The following KCNIP1 variants were observed in gnomAD, a reference collection of about 807,000 sequenced individuals.
KCNIP1 encodes the protein A-type potassium channel modulatory protein KCNIP1.
In KCNIP1, 18 loss-of-function variants were observed where a neutral mutation model predicts 33.0. The observed-to-expected ratio is 0.55, with a 90% CI of 0.38 to 0.81. KCNIP1 has a LOEUF of 0.81. Among genes scored for constraint, KCNIP1 ranks in the 30% least tolerant of loss-of-function variants. The pLI is 0.00. For missense variants in KCNIP1, 238 were observed against 271.6 expected (o/e 0.88, Z 0.87); for synonymous variants, 93 against 98.3 (o/e 0.95, Z 0.32).
upstream of KCNIP1, among the ~76,000 whole-genome samples, chr5:170,500,055 A>G (rs1339717802): frequency 6.6e-6 from 1 of 152,108 alleles, no homozygotes. Context: ...TGAAAACTGG[A>G]AGTCCAAGAT....
At chr5:170,479,714 A>G (rs1756935754) in intron 1 of KCNIP1, among the ~76,000 whole-genome samples, 1 of 152,222 alleles carries the variant, frequency 6.6e-6, no homozygotes, top group South Asian at 2.1e-4. Flanking sequence ...CTTGGCTGTG[A>G]TGCATTGGTA....
intron 3 of KCNIP1, 104 bp from the exon 4 acceptor site, chr5:170,721,729 G>A: frequency 1.2e-6 from 2 of 1,613,398 alleles, no homozygotes; most frequent in Non-Finnish European, 1.7e-6. Flanking sequence ...CATCACCCTA[G>A]CATCACTCTC....
At chr5:170,483,274 A>T in intron 1 of KCNIP1, 1 of 274,660 alleles carries the variant, frequency 3.6e-6, no homozygotes, top group Non-Finnish European at 7.1e-6. Context: ...TGGACTAAAA[A>T]GATGAAAGCC....
At chr5:170,581,811 G>A (rs1055663862) in intron 1 of KCNIP1, among the ~76,000 whole-genome samples, 11 of 152,294 alleles carry the variant, frequency 7.2e-5, no homozygotes, top group Middle Eastern at 3.4e-3. Flanking sequence ...GGTTTATTTG[G>A]CTCACAGTTC....
upstream of KCNIP1, among the ~76,000 whole-genome samples, chr5:170,503,194 A>G (rs1236816589): frequency 5.9e-5 from 9 of 152,092 alleles, no homozygotes; most frequent in Admixed American, 5.2e-4. Flanking sequence ...GTTCAAGCCC[A>G]GCCAGCCCAA....
chr5:170,586,730 T>A (rs79432046), intron 1 of KCNIP1, among the ~76,000 whole-genome samples: 13,166 of 152,298 alleles, frequency 0.086, 640 homozygotes, highest in South Asian at 0.12. Context: ...GTTGCTACTC[T>A]TGTCAGTATA....
rs1554093020 is a variant in KCNIP1 at position 170,444,699 on chromosome 5, T to TTA, written c.88+90735_88+90736insTA. ...CTACAAATTATATTTTTTCTTTTTT[T>TTA]AAAAAAAAAAAAAAACCTTCTTCCC... On this transcript the variant is annotated intron_variant, in intron 1 of 7. Coordinates refer to the KCNIP1 transcript ENST00000377360. Among the ~76,000 whole-genome samples, 739 of 146,316 alleles carry TTA rather than the reference T, an allele frequency of 5.1e-3. 8 individuals carry two copies. The highest frequency in any genetic ancestry group is 0.017 in the African/African-American group (663 of 39,946).
intron 1 of KCNIP1, among the ~76,000 whole-genome samples, chr5:170,624,712 AG>A (rs1472450824): frequency 1.4e-5 from 1 of 72,068 alleles, no homozygotes; most frequent in Non-Finnish European, 2.6e-5. Flanking sequence ...AGGGGAGGAG[AG>A]GAAAGGAGAC....
chr5:170,558,890 C>A (rs1756934055), intron 1 of KCNIP1, among the ~76,000 whole-genome samples: 1 of 152,190 alleles, frequency 6.6e-6, no homozygotes, highest in Admixed American at 6.5e-5. Context: ...TCTTCTTAGC[C>A]CCTAGTAAAC....
At chr5:170,636,633 CT>C (rs1342775709) in intron 1 of KCNIP1, among the ~76,000 whole-genome samples, 2 of 152,148 alleles carry the variant, frequency 1.3e-5, no homozygotes, top group African/African-American at 4.8e-5. Flanking sequence ...ATCCCTGTTT[CT>C]CAGGAGAGGG....
chr5:170,377,867 C>G (rs966240429), intron 1 of KCNIP1: 1 of 152,168 alleles, frequency 6.6e-6, no homozygotes, highest in African/African-American at 2.4e-5. Flanking sequence ...CCACCGCGCC[C>G]GGCCCAGAGG....
Position 170,504,353 on chromosome 5 carries a change from G to A in KCNIP1, c.-220G>A. 7.2e-7 allele frequency: 1 copy of A among 1,394,488 alleles called. No homozygotes were observed. Among genetic ancestry groups the A allele is most frequent in the South Asian group, 1.6e-5 (1 of 61,210 alleles). The allele number at this position is 1,394,488 out of a possible 1,614,324, so 86.4% of individuals were successfully genotyped here. A position where few individuals can be genotyped will look rare whatever the true frequency, so the allele number is the denominator to read the frequency against. On this transcript the variant is annotated 5_prime_UTR_variant, in exon 1 of 8. Coordinates refer to ENST00000328939, the MANE Select transcript of KCNIP1 (RefSeq NM_014592.4). This position sits in a 1 kb window ranked among gnomAD's most constrained non-coding sequence, Gnocchi z 6.0. ...CGGGGAAGCGGTTCCGAAGGCTCGC[G>A]GGGAGCGGCTAGCCCTGAGTCCCTG...
intron 1 of KCNIP1, among the ~76,000 whole-genome samples, chr5:170,695,186 C>T (rs1461985365): frequency 6.6e-6 from 1 of 152,224 alleles, no homozygotes; most frequent in East Asian, 1.9e-4. Context: ...CCAACATCAG[C>T]AAGTCTGGTG....
intron 1 of KCNIP1, among the ~76,000 whole-genome samples, chr5:170,436,424 C>T (rs1194190300): frequency 1.3e-5 from 2 of 152,192 alleles, no homozygotes; most frequent in African/African-American, 4.8e-5. Flanking sequence ...GGTCACAGGG[C>T]ACAGCTGCCA....
chr5:170,551,903 AGTGT>A lies in KCNIP1; in HGVS notation c.61+47275_61+47278del, dbSNP rs748951264. ...GTATATGAATGTGTACGAGTGTGTG[AGTGT>A]GTGTATGTATGAGTACACGTATGAA... On this transcript the variant is annotated intron_variant, in intron 1 of 7. Transcript: ENST00000328939. 2.5e-4 allele frequency among the ~76,000 whole-genome samples: 38 copies of A among 149,378 alleles called. 2 individuals carry two copies. Among genetic ancestry groups the A allele is most frequent in the Admixed American group, 1.3e-3 (19 of 15,034 alleles).
intron 1 of KCNIP1, among the ~76,000 whole-genome samples, chr5:170,711,845 T>C (rs1451174634): frequency 8.7e-6 from 1 of 114,542 alleles, no homozygotes; most frequent in Non-Finnish European, 1.8e-5. Flanking sequence ...GTGAAAACAC[T>C]CCAATGGATG....
In KCNIP1 at chr5:170,632,001, T is replaced by C. The variant is rs552682450; in HGVS notation, c.62-86757T>C. Among the ~76,000 whole-genome samples the C allele has an allele frequency of 8.5e-5, 13 of 152,290 alleles. No individual in the cohort carries two copies. In the South Asian group the frequency reaches 2.7e-3, roughly 32 times the overall value. Reference sequence around the variant, plus strand: ...CGGCTGTCTTTGGTGTCCAGGACGATTTGCCACAGACAGGGGGAGCTAAAG... The same window carrying C: ...CGGCTGTCTTTGGTGTCCAGGACGACTTGCCACAGACAGGGGGAGCTAAAG... On this transcript the variant is annotated intron_variant, in intron 1 of 7. Transcript: ENST00000328939.
intron 1 of KCNIP1, among the ~76,000 whole-genome samples, chr5:170,403,961 T>G (rs1369240266): frequency 1.3e-5 from 2 of 152,158 alleles, no homozygotes; most frequent in Non-Finnish European, 2.9e-5. Context: ...GCTTCCCACT[T>G]CAGAGCCTGT....
At chr5:170,608,427 A>C (rs533001967) in intron 1 of KCNIP1, among the ~76,000 whole-genome samples, 63 of 152,146 alleles carry the variant, frequency 4.1e-4, no homozygotes, top group Non-Finnish European at 7.8e-4. Flanking sequence ...CTCACCCATA[A>C]AATGGGGAGA....
Sources: gnomAD v4.1 joint callset for allele counts (sites outside exome capture counted in the v4.1 genomes callset) on GRCh38, gnomAD v4.1.1 for gene constraint, Gnocchi (gnomAD v3.1) non-coding constraint, MANE v1.5 for transcripts, NCBI Gene and HGNC (gene_info 2026-07-23, HGNC 2026-07-21) for gene names.